Variants in CPLX2 observed in about 807,000 individuals in gnomAD.
CPLX2 encodes the protein complexin-2.
CPLX2 carries 5 observed loss-of-function variants against 16.3 expected under a neutral mutation model. That is an observed-to-expected ratio of 0.31 (90% CI 0.16 to 0.64). CPLX2 has a LOEUF of 0.64. Among genes scored for constraint, CPLX2 ranks in the 30% least tolerant of loss-of-function variants. The pLI is 0.79. For synonymous variants in CPLX2, 89 were observed against 73.2 expected, an observed-to-expected ratio of 1.22 and a Z score of -1.10; for missense variants, 144 against 181.4, an observed-to-expected ratio of 0.79 and a Z score of 1.18.
chr5:175,850,750 A>G (rs1759134857), intron 2 of CPLX2, among the ~76,000 whole-genome samples: 1 of 152,116 alleles, frequency 6.6e-6, no homozygotes, highest in African/African-American at 2.4e-5. Flanking sequence ...ATCCACTTTG[A>G]AAAATGCCAC....
chr5:175,838,323 A>G (rs1030548813), intron 2 of CPLX2, among the ~76,000 whole-genome samples: 2 of 139,614 alleles, frequency 1.4e-5, no homozygotes, highest in Non-Finnish European at 3.0e-5. Context: ...GCTGGAGTGC[A>G]GTGGCACGAT....
At chr5:175,868,116 C>T (rs979778992), upstream of CPLX2, among the ~76,000 whole-genome samples, 5 of 152,196 alleles carry the variant, frequency 3.3e-5, no homozygotes, top group African/African-American at 1.2e-4. Context: ...CACCCACCAA[C>T]GTAACTCCCA....
chr5:175,850,106 G>A (rs547862760), intron 2 of CPLX2, among the ~76,000 whole-genome samples: 2 of 152,272 alleles, frequency 1.3e-5, no homozygotes, highest in African/African-American at 4.8e-5. Context: ...GGAACCTGCT[G>A]TTGATGCTGA....
At chr5:175,842,622 C>G (rs1417700301) in intron 2 of CPLX2, among the ~76,000 whole-genome samples, 1 of 152,234 alleles carries the variant, frequency 6.6e-6, no homozygotes, top group East Asian at 1.9e-4. Context: ...GGGGCCTGCA[C>G]TCCAGGGTTC....
At chr5:175,877,440 C>T (rs1012442978) in intron 1 of CPLX2, among the ~76,000 whole-genome samples, 2 of 152,122 alleles carry the variant, frequency 1.3e-5, no homozygotes, top group Non-Finnish European at 2.9e-5. Flanking sequence ...AGCCTTGAAC[C>T]CAACAAGGTT....
chr5:175,867,206 C>CTGTGTG (rs1759493389), upstream of CPLX2, among the ~76,000 whole-genome samples: 1 of 152,138 alleles, frequency 6.6e-6, no homozygotes, highest in African/African-American at 2.4e-5. Flanking sequence ...CAGTCACTAT[C>CTGTGTG]TGTGACACAT....
chr5:175,799,548 A>T (rs920674179), intron 1 of CPLX2, among the ~76,000 whole-genome samples: 11 of 125,474 alleles, frequency 8.8e-5, no homozygotes, highest in South Asian at 2.6e-4. Context: ...TCATATATAT[A>T]TATATATATA....
chr5:175,801,164 A>T (rs1581064044), intron 1 of CPLX2, among the ~76,000 whole-genome samples: 1 of 120,148 alleles, frequency 8.3e-6, no homozygotes, highest in African/African-American at 3.5e-5. Context: ...GGAGTGTTAA[A>T]AAAAAAAAAA....
intron 2 of CPLX2, among the ~76,000 whole-genome samples, chr5:175,816,294 A>C (rs192310308): frequency 3.2e-3 from 488 of 152,248 alleles, no homozygotes; most frequent in South Asian, 5.4e-3. Context: ...CAGCCTCCCA[A>C]GTAGTTGGGA....
intron 1 of CPLX2, among the ~76,000 whole-genome samples, chr5:175,801,600 T>A (rs752889511): frequency 6.6e-6 from 1 of 152,192 alleles, no homozygotes; most frequent in African/African-American, 2.4e-5. Flanking sequence ...TTTACCCTTG[T>A]GTGACTCGAT....
chr5:175,857,609 G>A (rs1416095825), intron 2 of CPLX2, among the ~76,000 whole-genome samples: 1 of 152,218 alleles, frequency 6.6e-6, no homozygotes, highest in African/African-American at 2.4e-5. Context: ...GATATATCAT[G>A]TAATTTATTG....
In CPLX2 at chr5:175,880,812, A is replaced by G. The variant is rs1755572264; in HGVS notation, c.*767A>G. 1 of 152,908 alleles carries G rather than the reference A, an allele frequency of 6.5e-6. No individual in the cohort carries two copies. Among genetic ancestry groups the G allele is most frequent in the Admixed American group, 6.5e-5 (1 of 15,294 alleles). 9.5% of individuals were successfully genotyped at this position (152,908 alleles called of 1,614,324 possible). On this transcript the variant is annotated 3_prime_UTR_variant, in exon 4 of 4. Coordinates refer to ENST00000393745, the MANE Select transcript of CPLX2 (RefSeq NM_001008220.2). ...CAGGCTGGGCCCAGCTTGCTCAGTCAAGGGGCTGCCAGGCCCCCAGAAAAC... is the reference window on the plus strand; with the variant it reads ...CAGGCTGGGCCCAGCTTGCTCAGTCGAGGGGCTGCCAGGCCCCCAGAAAAC...
At chr5:175,865,488 G>A (rs1759456769) in intron 2 of CPLX2, among the ~76,000 whole-genome samples, 1 of 152,194 alleles carries the variant, frequency 6.6e-6, no homozygotes, top group African/African-American at 2.4e-5. Context: ...AAAAGGAACA[G>A]GAAGGCTGGA....
intron 2 of CPLX2, among the ~76,000 whole-genome samples, chr5:175,844,215 C>T (rs551983059): frequency 6.6e-6 from 1 of 152,332 alleles, no homozygotes; most frequent in African/African-American, 2.4e-5. Context: ...AGAGGAACAG[C>T]CAGAGGCTGC....
chr5:175,838,422 C>T (rs2113665784), intron 2 of CPLX2, among the ~76,000 whole-genome samples: 1 of 152,236 alleles, frequency 6.6e-6, no homozygotes, highest in African/African-American at 2.4e-5. Context: ...CGCCCACCAC[C>T]AAGCCCGGCT....
chr5:175,830,651 A>C lies in CPLX2; in HGVS notation c.-89+21583A>C, dbSNP rs974000477. ...GGCAGGCAAGGGATGAGCACAATCC[A>C]GTCTCTGGAGTCCTCACTCCCCAGA... On this transcript the variant is annotated intron_variant, in intron 2 of 4. Coordinates refer to the CPLX2 transcript ENST00000359546. The surrounding 1 kb of genome is among the most constrained non-coding windows in gnomAD (Gnocchi z 4.0). Among the ~76,000 whole-genome samples the C allele has an allele frequency of 6.6e-6, 1 of 152,212 alleles. No homozygotes were observed. Among genetic ancestry groups the C allele is most frequent in the African/African-American group, 2.4e-5 (1 of 41,460 alleles).
chr5:175,857,183 C>T (rs1033707618), intron 2 of CPLX2, among the ~76,000 whole-genome samples: 1 of 152,190 alleles, frequency 6.6e-6, no homozygotes, highest in Non-Finnish European at 1.5e-5. Context: ...GTCCTGGGAA[C>T]AAGCCAAGCT....
chr5:175,798,150 T>C (rs1049699508), intron 1 of CPLX2, among the ~76,000 whole-genome samples: 1 of 152,154 alleles, frequency 6.6e-6, no homozygotes, highest in Non-Finnish European at 1.5e-5. Context: ...AGCAGAGTGG[T>C]TTACTTACTA....
rs1755632421 is a variant in CPLX2 at position 175,882,198 on chromosome 5, G to A, written c.*2153G>A. 6.6e-6 allele frequency: 1 copy of A among 152,534 alleles called. No homozygotes were observed. The highest frequency in any genetic ancestry group is 6.5e-5 in the Admixed American group (1 of 15,268). 9.4% of individuals were successfully genotyped at this position (152,534 alleles called of 1,614,324 possible). ...TGTCTGTGCCTGTGTCTGTGATGGGGAGCCGCCTCGCACCCCTGTTGTCTG... is the reference window on the plus strand; with the variant it reads ...TGTCTGTGCCTGTGTCTGTGATGGGAAGCCGCCTCGCACCCCTGTTGTCTG... On this transcript the variant is annotated 3_prime_UTR_variant, in exon 4 of 4. Coordinates refer to ENST00000393745, the MANE Select transcript of CPLX2 (RefSeq NM_001008220.2).
Sources: gnomAD v4.1 joint callset for allele counts (sites outside exome capture counted in the v4.1 genomes callset) on GRCh38, gnomAD v4.1.1 for gene constraint, Gnocchi (gnomAD v3.1) non-coding constraint, MANE v1.5 for transcripts, NCBI Gene and HGNC (gene_info 2026-07-23, HGNC 2026-07-21) for gene names.